SYNPO2: variants seen among roughly 807,000 people sequenced by gnomAD.
SYNPO2 encodes synaptopodin 2.
In SYNPO2, 56 loss-of-function variants were observed where a neutral mutation model predicts 85.0. The ratio of observed to expected loss-of-function variants is 0.66; its 90% CI spans 0.53 to 0.82. SYNPO2 has a LOEUF of 0.82. Among genes scored for constraint, SYNPO2 ranks in the 40% least tolerant of loss-of-function variants. The pLI is 0.00. For missense variants in SYNPO2, 1,575 were observed against 1,534.2 expected, an observed-to-expected ratio of 1.03 and a Z score of -0.44; for synonymous variants, 602 against 591.1, an observed-to-expected ratio of 1.02 and a Z score of -0.27.
rs1026342535 is a variant in SYNPO2, at chr4:118,925,400, AT to A, written c.105+36269del. On this transcript the variant is annotated intron_variant, in intron 1 of 4. Transcript: ENST00000307142. ...GCTGACTTGGAAGTAACACCTTGTCATTTTTTTTTTCTACCTCCAAATCCCA... is the reference window on the plus strand; with the variant it reads ...GCTGACTTGGAAGTAACACCTTGTCATTTTTTTTTCTACCTCCAAATCCCA... Among the ~76,000 whole-genome samples the A allele has an allele frequency of 2.1e-4, 31 of 149,290 alleles. No individual in the cohort carries two copies. The South Asian group carries it at 4.0e-3, about 19-fold the overall frequency.
intron 4 of SYNPO2, among the ~76,000 whole-genome samples, chr4:119,053,415 T>C (rs1197786471): frequency 6.6e-6 from 1 of 152,190 alleles, no homozygotes; most frequent in Non-Finnish European, 1.5e-5. Context: ...CTTGAAAGAA[T>C]GTGAAGGCAT....
chr4:118,956,023 C>T (rs1734861933), intron 1 of SYNPO2, among the ~76,000 whole-genome samples: 1 of 152,066 alleles, frequency 6.6e-6, no homozygotes, highest in Non-Finnish European at 1.5e-5. Context: ...TAGGAATTGT[C>T]TGAGTGGTTA....
intron 4 of SYNPO2, 92 bp from the exon 5 acceptor site, chr4:119,057,309 C>T: frequency 8.2e-7 from 1 of 1,218,030 alleles, no homozygotes; most frequent in East Asian, 2.7e-5. Flanking sequence ...TTTATTTTTG[C>T]AGTGCTTGGT....
intron 4 of SYNPO2, among the ~76,000 whole-genome samples, chr4:119,051,196 T>TTTTG (rs1561030357): frequency 2.2e-5 from 3 of 138,020 alleles, no homozygotes; most frequent in Admixed American, 1.5e-4. Flanking sequence ...ATTTTTTTTT[T>TTTTG]TTTTTTTTTT....
chr4:118,870,285 C>A (rs1731779063), intron 1 of SYNPO2, among the ~76,000 whole-genome samples: 1 of 152,234 alleles, frequency 6.6e-6, no homozygotes, highest in African/African-American at 2.4e-5. Context: ...GCTTGGGATC[C>A]TTCCCCCTTC....
chr4:118,887,518 C>T (rs1007922131), upstream of SYNPO2, among the ~76,000 whole-genome samples: 1 of 152,084 alleles, frequency 6.6e-6, no homozygotes, highest in Non-Finnish European at 1.5e-5. Flanking sequence ...TTGATTGAAT[C>T]CACCACCACT....
At chr4:118,917,642 G>A (rs1323686779) in intron 1 of SYNPO2, among the ~76,000 whole-genome samples, 3 of 111,900 alleles carry the variant, frequency 2.7e-5, no homozygotes, top group Admixed American at 1.0e-4. Context: ...TTCATGCTAT[G>A]TAAATACATG....
At chr4:119,035,677 A>G (rs1738478139) in intron 4 of SYNPO2, 16 of 985,296 alleles carry the variant, frequency 1.6e-5, no homozygotes, top group Non-Finnish European at 1.9e-5. Flanking sequence ...TGAGCTACAA[A>G]TAGTTCTTTA....
At chr4:118,976,320 G>A (rs912359305) in intron 1 of SYNPO2, among the ~76,000 whole-genome samples, 2 of 152,090 alleles carry the variant, frequency 1.3e-5, no homozygotes, top group Admixed American at 1.3e-4. Flanking sequence ...CATTCCTCCC[G>A]CTGGGCTCGT....
chr4:118,915,941 C>T (rs971498873), intron 1 of SYNPO2, among the ~76,000 whole-genome samples: 11 of 152,008 alleles, frequency 7.2e-5, no homozygotes, highest in Admixed American at 2.0e-4. Context: ...ATGACTACCA[C>T]GTAAATTAAA....
At chr4:118,900,397 G>A (rs943698225) in intron 1 of SYNPO2, among the ~76,000 whole-genome samples, 1 of 152,030 alleles carries the variant, frequency 6.6e-6, no homozygotes, top group Admixed American at 6.6e-5. Flanking sequence ...GGTTCCACAA[G>A]TATTTTAAGG....
chr4:118,950,822 A>C (rs1490513), intron 1 of SYNPO2, among the ~76,000 whole-genome samples: 151,020 of 152,282 alleles, frequency 0.99, 74,898 homozygotes, highest in Middle Eastern at 1. Context: ...ATAGTTAATA[A>C]AAGGTTGAGT....
chr4:119,037,604 G>A, intron 4 of SYNPO2: 1 of 986,806 alleles, frequency 1.0e-6, no homozygotes, highest in Non-Finnish European at 1.2e-6. Flanking sequence ...CAGAAGCTGT[G>A]GCAGTCATTC....
chr4:118,940,906 C>T (rs1485971436), intron 1 of SYNPO2, among the ~76,000 whole-genome samples: 1 of 28,056 alleles, frequency 3.6e-5, no homozygotes, highest in Non-Finnish European at 8.8e-5. Flanking sequence ...GGTGCTCCTC[C>T]GGGTTCTGCC....
chr4:118,960,888 AT>A (rs997581417), intron 1 of SYNPO2, among the ~76,000 whole-genome samples: 35 of 152,114 alleles, frequency 2.3e-4, no homozygotes, highest in African/African-American at 7.9e-4. Context: ...ACCTTAGTTC[AT>A]CATGTCTGAT....
intron 1 of SYNPO2, among the ~76,000 whole-genome samples, chr4:118,878,133 T>C (rs921597741): frequency 6.6e-6 from 1 of 151,948 alleles, no homozygotes; most frequent in Non-Finnish European, 1.5e-5. Context: ...CATGTTCTCG[T>C]TTATAAGTGG....
chr4:119,033,266 C>G, intron 4 of SYNPO2: 1 of 985,360 alleles, frequency 1.0e-6, no homozygotes, highest in Non-Finnish European at 1.2e-6. Context: ...GTTTGCTTTG[C>G]TTTTTGACAA....
chr4:118,951,538 G>T (rs79950796), intron 1 of SYNPO2, among the ~76,000 whole-genome samples: 366 of 152,282 alleles, frequency 2.4e-3, no homozygotes, highest in African/African-American at 7.3e-3. Flanking sequence ...CAGCAAGTTT[G>T]TTGGGACCCA....
rs538476069 is a variant in SYNPO2, at chr4:118,954,886, C to T, written c.105+65745C>T. ...TATATGAGGGAGGTATAATATGATC[C>T]CCATTTTTACAAATTAGGAAATTTA... On this transcript the variant is annotated intron_variant, in intron 1 of 4. Coordinates refer to ENST00000307142, the MANE Select transcript of SYNPO2 (RefSeq NM_133477.3). 1.3e-3 allele frequency among the ~76,000 whole-genome samples: 194 copies of T among 152,102 alleles called. 1 individual carries two copies. Among genetic ancestry groups the T allele is most frequent in the African/African-American group, 4.5e-3 (186 of 41,488 alleles).
Sources: allele counts gnomAD v4.1 joint callset (sites outside exome capture counted in the v4.1 genomes callset), GRCh38; gene constraint gnomAD v4.1.1; transcripts MANE v1.5; gene names NCBI Gene and HGNC (gene_info 2026-07-23, HGNC 2026-07-21).